Variants in TBCD observed in about 807,000 individuals in gnomAD.
TBCD encodes tubulin-specific chaperone D.
Under a neutral mutation model 169.3 loss-of-function variants are expected in TBCD, and 105 were observed. The ratio of observed to expected loss-of-function variants is 0.62; its 90% CI spans 0.53 to 0.73. The LOEUF (loss-of-function observed/expected upper bound fraction) is 0.73, where lower values mean the gene tolerates loss of function less well. Ranked by LOEUF, TBCD falls within the 30% of genes least tolerant of loss-of-function variation. TBCD has a pLI of 0.00. For synonymous variants in TBCD, 700 were observed against 643.9 expected, an observed-to-expected ratio of 1.09 and a Z score of -1.32; for missense variants, 1,444 against 1,600.1, an observed-to-expected ratio of 0.90 and a Z score of 1.66.
rs200903034 is a variant in TBCD at position 82,921,536 on chromosome 17, C to T, written c.2137C>T (p.His713Tyr). The T allele has an allele frequency of 4.8e-5, 78 of 1,614,046 alleles. 1 individual carries two copies. In the African/African-American group the frequency reaches 9.3e-4, roughly 19 times the overall value. Residue 713 changes from histidine to tyrosine, a missense_variant, in exon 25 of 39, where the codon CAT becomes TAT. By Grantham distance (83) the His-to-Tyr change is moderately conservative. Coordinates refer to ENST00000355528, the MANE Select transcript of TBCD (RefSeq NM_005993.5). ...WQWLINDTLRHLHLISSHSRQ... is the reference protein window; with the variant it reads ...WQWLINDTLRYLHLISSHSRQ... ...ATGGCTGATAAATGACACTTTGAGA[C>T]ATCTCCATCTCATCTCAAGTCACTC...
intron 30 of TBCD, among the ~76,000 whole-genome samples, 163 bp downstream of exon 30, chr17:82,928,151 C>T (rs2061912725): frequency 1.3e-5 from 2 of 152,190 alleles, no homozygotes; most frequent in African/African-American, 4.8e-5. Flanking sequence ...TTGTGCAGGC[C>T]CCTCCTCCTG....
chr17:82,893,785 G>A (rs1485956314), intron 17 of TBCD, among the ~76,000 whole-genome samples, 153 bp downstream of exon 17: 1 of 152,262 alleles, frequency 6.6e-6, no homozygotes, highest in African/African-American at 2.4e-5. Flanking sequence ...ATTGGGAACA[G>A]TGACTGAAAC....
At chr17:82,803,859 T>G (rs1297108767) in intron 9 of TBCD, among the ~76,000 whole-genome samples, 4 of 102,984 alleles carry the variant, frequency 3.9e-5, no homozygotes, top group African/African-American at 1.1e-4. Flanking sequence ...CACCGGTCTG[T>G]GGGGCGTTAG....
In TBCD at chr17:82,835,660, G is replaced by A. The variant is rs2053907151; in HGVS notation, c.1318+20726G>A. On this transcript the variant is annotated intron_variant, in intron 13 of 38. Coordinates refer to ENST00000355528, the MANE Select transcript of TBCD (RefSeq NM_005993.5). The surrounding 1 kb of genome is among the most constrained non-coding windows in gnomAD (Gnocchi z 4.5). ...GGCTGGTCTTGAACTCCTGACCTCA[G>A]GCGATCTGCCCGCCTCAGCCTCCCA... Among the ~76,000 whole-genome samples, 1 of 151,972 alleles carries A rather than the reference G, an allele frequency of 6.6e-6. No homozygotes were observed. The highest frequency in any genetic ancestry group is 1.5e-5 in the Non-Finnish European group (1 of 67,988).
At chr17:82,904,251 A>ACGACAC (rs2060080157) in intron 19 of TBCD, among the ~76,000 whole-genome samples, 1 of 144,830 alleles carries the variant, frequency 6.9e-6, no homozygotes, top group Non-Finnish European at 1.5e-5. Flanking sequence ...CACCTGCCAC[A>ACGACAC]TGACACTCCT....
intron 13 of TBCD, among the ~76,000 whole-genome samples, chr17:82,834,361 A>G (rs565031452): frequency 9.2e-5 from 14 of 152,344 alleles, no homozygotes; most frequent in Non-Finnish European, 1.6e-4. Flanking sequence ...GTGGAGGTGC[A>G]ATGGATCAAG....
At chr17:82,840,983 T>TTTTTA (rs2054469352) in intron 13 of TBCD, among the ~76,000 whole-genome samples, 1 of 120,788 alleles carries the variant, frequency 8.3e-6, no homozygotes, top group Non-Finnish European at 1.7e-5. Context: ...TTTTTTTTTT[T>TTTTTA]GAGACAGAGT....
intron 7 of TBCD, among the ~76,000 whole-genome samples, chr17:82,785,156 G>A (rs2049220613): frequency 1.9e-5 from 2 of 107,426 alleles, no homozygotes; most frequent in Non-Finnish European, 3.8e-5. Context: ...AGCGGGAGGG[G>A]GGTCCATGCT....
chr17:82,857,384 A>G (rs1054691364), intron 13 of TBCD, among the ~76,000 whole-genome samples: 2 of 152,216 alleles, frequency 1.3e-5, no homozygotes, highest in Non-Finnish European at 2.9e-5. Context: ...TATCATTTGC[A>G]AGTATTTTCT....
At chr17:82,796,157 C>T (rs2144593108) in intron 7 of TBCD, 1 of 152,390 alleles carries the variant, frequency 6.6e-6, no homozygotes, top group South Asian at 2.1e-4. Context: ...CGTCAGCCCA[C>T]CTCCCAGGGA....
Position 82,941,379 on chromosome 17 carries a change from G to T in TBCD, c.3480-20G>T, listed in dbSNP as rs557927588. The T allele has an allele frequency of 2.2e-5, 34 of 1,568,490 alleles. No homozygotes were observed. The highest frequency in any genetic ancestry group is 2.8e-5 in the Non-Finnish European group (33 of 1,162,998). ...TCCGGTGGGCACTCGAGAGACTCAC[G>T]GCTCTCCCTCTCCTCACAGGGACGC... On this transcript the variant is annotated intron_variant, in intron 37 of 38. Transcript: ENST00000355528.
rs1878343203 is a variant in TBCD at position 82,944,689 on chromosome 17, G to A, written c.*2226G>A. On this transcript the variant is annotated 3_prime_UTR_variant, in exon 39 of 39. Coordinates refer to ENST00000355528, the MANE Select transcript of TBCD (RefSeq NM_005993.5). ...CCAGTATCCCTGGGACCGGGGAGCT[G>A]ATGTGGGATTTGTGTACCCACAAAC... The A allele has an allele frequency of 6.6e-6, 1 of 152,196 alleles. No individual in the cohort carries two copies. The highest frequency in any genetic ancestry group is 6.5e-5 in the Admixed American group (1 of 15,280). The allele number at this position is 152,196 out of a possible 1,614,324, so 9.4% of individuals were successfully genotyped here.
At chr17:82,829,451 TTA>T (rs1447488207) in intron 13 of TBCD, 2 of 153,972 alleles carry the variant, frequency 1.3e-5, no homozygotes, top group African/African-American at 4.8e-5. Context: ...TAACATAGAT[TTA>T]TGTTTATTTG....
At chr17:82,785,004 C>G (rs1470029669) in intron 7 of TBCD, among the ~76,000 whole-genome samples, 1 of 131,416 alleles carries the variant, frequency 7.6e-6, no homozygotes, top group Non-Finnish European at 1.6e-5. Context: ...GGGGTCCATG[C>G]TGTGTGACTG....
At chr17:82,798,213 C>A (rs964035940) in intron 8 of TBCD, among the ~76,000 whole-genome samples, 2 of 149,102 alleles carry the variant, frequency 1.3e-5, no homozygotes, top group African/African-American at 5.0e-5. Flanking sequence ...GTGGCACTAT[C>A]TCAGCTCACT....
intron 6 of TBCD, among the ~76,000 whole-genome samples, chr17:82,775,207 C>G (rs1260438143): frequency 6.6e-6 from 1 of 152,250 alleles, no homozygotes; most frequent in African/African-American, 2.4e-5. Flanking sequence ...CCGTGCAGAA[C>G]ACCTGAGCCT....
At position 82,941,891 on chromosome 17, in the gene TBCD, C is replaced by T. The variant is rs1257114906; in HGVS notation, c.3564+408C>T. 6 of 209,744 alleles carry T rather than the reference C, an allele frequency of 2.9e-5. No individual in the cohort carries two copies. The East Asian group carries it at 3.6e-4, about 12-fold the overall frequency. 13.0% of individuals were successfully genotyped at this position (209,744 alleles called of 1,614,324 possible). ...AAGCTGCCCCTGTGCACCTCACCAG[C>T]CCGTCACTCTTCTAAAGTAACAAAA... On this transcript the variant is annotated intron_variant, in intron 38 of 38. Transcript: ENST00000355528.
At chr17:82,804,399 C>T (rs1038932580) in intron 9 of TBCD, among the ~76,000 whole-genome samples, 3 of 151,992 alleles carry the variant, frequency 2.0e-5, no homozygotes, top group African/African-American at 7.2e-5. Context: ...TCTCCTGAGG[C>T]TTCTTAAACA....
Position 82,763,008 on chromosome 17 carries a change from C to T in TBCD, c.236-957C>T, listed in dbSNP as rs139312996. ...ATGGTCTGTTTTGTTGAACATTCCG[C>T]GTGCACTTGAGAAAAATGTCTGTTC... On this transcript the variant is annotated intron_variant, in intron 2 of 38. Coordinates refer to ENST00000355528, the MANE Select transcript of TBCD (RefSeq NM_005993.5). 2.6e-3 allele frequency among the ~76,000 whole-genome samples: 399 copies of T among 152,258 alleles called. 4 individuals carry two copies. The highest frequency in any genetic ancestry group is 2.2e-3 in the Non-Finnish European group (148 of 68,024).
Sources: gnomAD v4.1 joint callset for allele counts (sites outside exome capture counted in the v4.1 genomes callset) on GRCh38, gnomAD v4.1.1 for gene constraint, Gnocchi (gnomAD v3.1) non-coding constraint, MANE v1.5 for transcripts, NCBI Gene and HGNC (gene_info 2026-07-23, HGNC 2026-07-21) for gene names.